Variants in PRKCA observed in about 807,000 individuals in gnomAD.
PRKCA encodes the protein protein kinase C alpha type.
PRKCA carries 27 observed loss-of-function variants against 87.0 expected under a neutral mutation model. That is an observed-to-expected ratio of 0.31 (90% CI 0.23 to 0.43). The LOEUF (loss-of-function observed/expected upper bound fraction) is 0.43. PRKCA is among the 20% of genes least tolerant of loss of function. The pLI is 1.00. For missense variants in PRKCA, 518 were observed against 852.3 expected (o/e 0.61, Z 4.88); for synonymous variants, 329 against 311.1 (o/e 1.06, Z -0.61).
rs139921557 is a variant in PRKCA, at chr17:66,778,770, G to T, written c.1605+4703G>T. ...GTGGGAGGATTGATCGAGCCCGGGG[G>T]GTCAAGGCTAGCAGTGAGCTGTGAT... On this transcript the variant is annotated intron_variant, in intron 14 of 16. Coordinates refer to ENST00000413366, the MANE Select transcript of PRKCA (RefSeq NM_002737.3). 1.1e-3 allele frequency among the ~76,000 whole-genome samples: 167 copies of T among 151,394 alleles called. 1 individual carries two copies. The highest frequency in any genetic ancestry group is 3.8e-3 in the African/African-American group (157 of 41,236).
intron 3 of PRKCA, among the ~76,000 whole-genome samples, chr17:66,534,320 T>TA (rs1967686413): frequency 6.6e-6 from 1 of 152,192 alleles, no homozygotes; most frequent in Admixed American, 6.5e-5. Flanking sequence ...TGAAGGTCGA[T>TA]TCTTATCCCT....
intron 2 of PRKCA, among the ~76,000 whole-genome samples, chr17:66,459,995 C>T (rs1247161424): frequency 1.3e-5 from 2 of 152,148 alleles, no homozygotes; most frequent in African/African-American, 2.4e-5. Context: ...AGTTTTCCAT[C>T]CCGCTCACTG....
rs745835054 is a variant in PRKCA at position 66,735,594 on chromosome 17, A to C, written c.1162A>C (p.Lys388Gln). Residue 388 changes from lysine (K) to glutamine (Q), a missense_variant, in exon 10 of 17, where the codon AAG becomes CAG. Transcript: ENST00000413366. ...DDDVECTMVE[K>Q]RVLALLDKPP... ...TGACGTGGAGTGCACCATGGTAGAA[A>C]AGCGAGTCTTGGCCCTGCTTGACAA... The C allele has an allele frequency of 3.1e-6, 5 of 1,614,042 alleles. No homozygotes were observed. In the African/African-American group the frequency reaches 6.7e-5, roughly 22 times the overall value.
chr17:66,536,647 A>G (rs1967795628), intron 3 of PRKCA, among the ~76,000 whole-genome samples: 1 of 152,182 alleles, frequency 6.6e-6, no homozygotes, highest in South Asian at 2.1e-4. Flanking sequence ...ATCATCACCA[A>G]TGGCAGCAGT....
chr17:66,642,121 CTT>C (rs1460093259), intron 4 of PRKCA, among the ~76,000 whole-genome samples: 1 of 151,794 alleles, frequency 6.6e-6, no homozygotes, highest in African/African-American at 2.4e-5. Context: ...TATGAAGACT[CTT>C]TGCTTTGATC....
At chr17:66,785,016 GAAC>G (rs1975344133) in intron 14 of PRKCA, among the ~76,000 whole-genome samples, 1 of 152,186 alleles carries the variant, frequency 6.6e-6, no homozygotes, top group Non-Finnish European at 1.5e-5. Context: ...CCACCAAATT[GAAC>G]CTTCCTTACA....
intron 13 of PRKCA, among the ~76,000 whole-genome samples, chr17:66,748,965 C>T (rs1467582952): frequency 4.0e-5 from 6 of 151,826 alleles, no homozygotes; most frequent in African/African-American, 1.5e-4. Context: ...GAAACCCCCT[C>T]CCTGGCCAGT....
Position 66,587,811 on chromosome 17 carries a change from GTATA to G in PRKCA, c.289-53542_289-53539del, listed in dbSNP as rs1283871645. ...TATACATATATACGTATATGTGTGTGTATATGTATACATATATACGTATATGTGT... is the reference window on the plus strand; with the variant it reads ...TATACATATATACGTATATGTGTGTGTGTATACATATATACGTATATGTGT... On this transcript the variant is annotated intron_variant, in intron 3 of 16. Transcript: ENST00000413366. 1.9e-4 allele frequency among the ~76,000 whole-genome samples: 26 copies of G among 133,820 alleles called. 4 individuals carry two copies. Among genetic ancestry groups the G allele is most frequent in the African/African-American group, 4.8e-4 (17 of 35,560 alleles). The allele number at this position is 133,820 out of a possible 152,430, so 87.8% of individuals were successfully genotyped here.
At chr17:66,687,852 A>G (rs964256284) in intron 6 of PRKCA, among the ~76,000 whole-genome samples, 3 of 152,200 alleles carry the variant, frequency 2.0e-5, no homozygotes, top group Non-Finnish European at 2.9e-5. Flanking sequence ...GGAAAGCAAG[A>G]GTTCCCCTTT....
chr17:66,649,856 A>G (rs1860986), intron 5 of PRKCA, among the ~76,000 whole-genome samples: 32,476 of 152,096 alleles, frequency 0.21, 4,006 homozygotes, highest in African/African-American at 0.34. Flanking sequence ...CTTGGGAGGT[A>G]CTGAGGGTGG....
chr17:66,353,553 T>A (rs938015234), intron 2 of PRKCA, among the ~76,000 whole-genome samples: 1 of 152,100 alleles, frequency 6.6e-6, no homozygotes, highest in African/African-American at 2.4e-5. Context: ...CCGTCTCTAC[T>A]AAGAATACAA....
chr17:66,375,501 C>T (rs534351327), intron 2 of PRKCA, among the ~76,000 whole-genome samples: 118 of 152,178 alleles, frequency 7.8e-4, no homozygotes, highest in Non-Finnish European at 1.3e-3. Context: ...AATTTTGTCC[C>T]GGTAGCTGGT....
rs61761465 is a variant in PRKCA at position 66,739,161 on chromosome 17, C to T, written c.1322+306C>T. ...CCTCCCAAAGTGCGGGGATTACAGG[C>T]GTGAGTGAGCCACCATGCCCAGCCC... On this transcript the variant is annotated intron_variant, in intron 11 of 16. Coordinates refer to ENST00000413366, the MANE Select transcript of PRKCA (RefSeq NM_002737.3). 9.2e-4 allele frequency among the ~76,000 whole-genome samples: 140 copies of T among 152,240 alleles called. 1 individual carries two copies. Among genetic ancestry groups the T allele is most frequent in the African/African-American group, 3.2e-3 (131 of 41,546 alleles).
chr17:66,507,120 G>A (rs532838939), intron 3 of PRKCA, among the ~76,000 whole-genome samples: 27 of 152,288 alleles, frequency 1.8e-4, no homozygotes, highest in Non-Finnish European at 5.9e-5. Context: ...GAGGTATTAT[G>A]GGAGGCAAAG....
At position 66,792,743 on chromosome 17, in the gene PRKCA, T is replaced by A. The variant is rs916472398; in HGVS notation, c.1854+3764T>A. ...AACAGAAAGAGGAGAGTGACCAGCA[T>A]CGAGTGTGTGGGACAGTGGCCATCT... On this transcript the variant is annotated intron_variant, in intron 16 of 16. Transcript: ENST00000413366. The surrounding 1 kb of genome is among the most constrained non-coding windows in gnomAD (Gnocchi z 4.5). Among the ~76,000 whole-genome samples, 2 of 152,164 alleles carry A rather than the reference T, an allele frequency of 1.3e-5. No homozygotes were observed. Among genetic ancestry groups the A allele is most frequent in the Non-Finnish European group, 2.9e-5 (2 of 68,038 alleles).
chr17:66,721,681 A>C (rs1419492623), intron 8 of PRKCA, among the ~76,000 whole-genome samples: 2 of 152,190 alleles, frequency 1.3e-5, no homozygotes, highest in Admixed American at 1.3e-4. Context: ...TATAATGAGC[A>C]GCAAGGAAGC....
intron 2 of PRKCA, among the ~76,000 whole-genome samples, chr17:66,326,757 A>T (rs1398502767): frequency 6.6e-6 from 1 of 152,112 alleles, no homozygotes; most frequent in East Asian, 1.9e-4. Flanking sequence ...TCTGTATCTG[A>T]TGTGTCCATC....
At chr17:66,507,286 G>C (rs1281859900) in intron 3 of PRKCA, among the ~76,000 whole-genome samples, 1 of 152,176 alleles carries the variant, frequency 6.6e-6, no homozygotes, top group Non-Finnish European at 1.5e-5. Context: ...TGTGCAAATT[G>C]AGGCTTGAGG....
In PRKCA at chr17:66,697,791, C is replaced by A. The variant is rs542362602; in HGVS notation, c.918+8744C>A. On this transcript the variant is annotated intron_variant, in intron 8 of 16. Coordinates refer to ENST00000413366, the MANE Select transcript of PRKCA (RefSeq NM_002737.3). ...TCATCTACTGTTCCCAAACTCTACA[C>A]CCCCCACCCCCAGACTGAGTCCCTA... 1.1e-3 allele frequency among the ~76,000 whole-genome samples: 174 copies of A among 152,122 alleles called. 1 individual carries two copies. Among genetic ancestry groups the A allele is most frequent in the African/African-American group, 4.0e-3 (165 of 41,496 alleles).
Sources: gnomAD v4.1 joint callset for allele counts (sites outside exome capture counted in the v4.1 genomes callset) on GRCh38, gnomAD v4.1.1 for gene constraint, Gnocchi (gnomAD v3.1) non-coding constraint, MANE v1.5 for transcripts, NCBI Gene and HGNC (gene_info 2026-07-23, HGNC 2026-07-21) for gene names.